The following C11orf91 variants were observed in gnomAD, a reference collection of about 807,000 sequenced individuals.
The protein encoded by C11orf91 is chromosome 11 open reading frame 91, also known as uncharacterized protein C11orf91.
Under a neutral mutation model 14.3 loss-of-function variants are expected in C11orf91, and 10 were observed. The ratio of observed to expected loss-of-function variants is 0.70; its 90% CI spans 0.43 to 1.18. C11orf91 has a LOEUF of 1.18. C11orf91 is among the 50% of genes most tolerant of loss of function. C11orf91 has a pLI of 0.00. For missense variants in C11orf91, 236 were observed against 269.0 expected (o/e 0.88, Z 0.86); for synonymous variants, 141 against 130.6 (o/e 1.08, Z -0.54).
intron 1 of C11orf91, chr11:33,699,628 C>A (rs571361667): frequency 2.2e-6 from 1 of 455,946 alleles, no homozygotes; most frequent in Admixed American, 2.3e-5. Context: ...AGACTTCAGA[C>A]GTAAGACCAG....
chr11:33,705,644 G>A (rs1467105128), upstream of C11orf91: 1 of 152,212 alleles, frequency 6.6e-6, no homozygotes, highest in Non-Finnish European at 1.5e-5. Flanking sequence ...TTGAACTCAG[G>A]CTGAGCCACT....
chr11:33,699,204 G>C (rs1200325315), intron 1 of C11orf91, among the ~76,000 whole-genome samples: 2 of 152,296 alleles, frequency 1.3e-5, no homozygotes, highest in Admixed American at 6.5e-5. Context: ...GCAAAGCCCA[G>C]TTTTTCTAGG....
Position 33,700,422 on chromosome 11 carries a change from G to T in C11orf91, c.319C>A (p.Arg107Ser), listed in dbSNP as rs1248544499. 1.3e-6 allele frequency: 2 copies of T among 1,521,292 alleles called. No individual in the cohort carries two copies. Among genetic ancestry groups the T allele is most frequent in the Non-Finnish European group, 1.8e-6 (2 of 1,139,524 alleles). 94.2% of individuals were successfully genotyped at this position (1,521,292 alleles called of 1,614,324 possible). A position where few individuals can be genotyped will look rare whatever the true frequency, so the allele number is the denominator to read the frequency against. Reference protein sequence around the residue: ...GLASIPYEPLRFFYSPPPGPE... With the variant: ...GLASIPYEPLSFFYSPPPGPE... ...CCCGGCGGCGGTGAGTAGAAGAAGC[G>T]CAGAGGCTCGTAGGGGATGGAGGCC... The change falls in exon 1 of 2, where the codon CGC (arginine) becomes AGC (serine). Residue 107 changes from arginine (R) to serine (S), a missense_variant. Coordinates refer to ENST00000379011, the MANE Select transcript of C11orf91 (RefSeq NM_001166692.2).
upstream of C11orf91, chr11:33,702,694 A>C: frequency 2.8e-6 from 1 of 353,768 alleles, no homozygotes. Context: ...GTCTTCTGTT[A>C]ATCTGTCTTT....
chr11:33,700,662 A>G lies in C11orf91; in HGVS notation c.79T>C (p.Tyr27His), dbSNP rs1347243030. Residue 27 changes from tyrosine (Y) to histidine (H), a missense_variant, in exon 1 of 2, where the codon TAC (tyrosine) becomes CAC (histidine). Coordinates refer to ENST00000379011, the MANE Select transcript of C11orf91 (RefSeq NM_001166692.2). ...GGGGACGAGGAGATGCCGCGGTCGT[A>G]CAGGGACGGGAAATAGAGGGGCGGA... is the stretch of plus-strand genomic sequence containing the variant. ...SAPPLYFPSL[Y>H]DRGISSSPLS... 1 of 1,467,522 alleles carries G rather than the reference A, an allele frequency of 6.8e-7. No individual in the cohort carries two copies. Among genetic ancestry groups the G allele is most frequent in the Non-Finnish European group, 9.0e-7 (1 of 1,112,844 alleles). The allele number at this position is 1,467,522 out of a possible 1,614,324, so 90.9% of individuals were successfully genotyped here. A position where few individuals can be genotyped will look rare whatever the true frequency, so the allele number is the denominator to read the frequency against.
At position 33,698,364 on chromosome 11, in the gene C11orf91, T is replaced by A; in HGVS notation, c.*65A>T. ...TAACCATCTTTGAAATGACAACAAA[T>A]GGGACACATTATCTAAGCACTAACA... On this transcript the variant is annotated 3_prime_UTR_variant, in exon 2 of 2. Transcript: ENST00000379011. The A allele has an allele frequency of 1.1e-6, 1 of 924,158 alleles. No individual in the cohort carries two copies. The highest frequency in any genetic ancestry group is 1.6e-5 in the African/African-American group (1 of 60,886). 57.2% of individuals were successfully genotyped at this position (924,158 alleles called of 1,614,324 possible).
At chr11:33,703,220 G>A (rs761211387), upstream of C11orf91, 4 of 152,090 alleles carry the variant, frequency 2.6e-5, no homozygotes, top group Non-Finnish European at 5.9e-5. Context: ...GACAAACTTG[G>A]TTTCTCTAAC....
upstream of C11orf91, chr11:33,703,265 ACCCATAAACTGCTGT>A (rs1853169679): frequency 1.3e-5 from 2 of 152,326 alleles, no homozygotes; most frequent in South Asian, 4.1e-4. Flanking sequence ...CACAATGAAC[ACCCATAAACTGCTGT>A]CAGGAGGCAA....
chr11:33,705,591 C>G (rs1016493852), upstream of C11orf91: 3 of 152,288 alleles, frequency 2.0e-5, no homozygotes, highest in African/African-American at 7.2e-5. Context: ...TGGCCACAGA[C>G]TGAAGGCTGG....
At chr11:33,704,639 C>CT (rs1210264635), upstream of C11orf91, 1 of 152,150 alleles carries the variant, frequency 6.6e-6, no homozygotes, top group East Asian at 1.9e-4. Context: ...GATGAGAAAA[C>CT]TGAGGCATGT....
rs913325098 is a variant in C11orf91 at position 33,700,181 on chromosome 11, G to A, written c.496+64C>T. 5.2e-5 allele frequency: 77 copies of A among 1,471,528 alleles called. No homozygotes were observed. The African/African-American group carries it at 8.2e-4, about 16-fold the overall frequency. The allele number at this position is 1,471,528 out of a possible 1,614,324, so 91.2% of individuals were successfully genotyped here. A position where few individuals can be genotyped will look rare whatever the true frequency, so the allele number is the denominator to read the frequency against. On this transcript the variant is annotated intron_variant, in intron 1 of 1. Coordinates refer to ENST00000379011, the MANE Select transcript of C11orf91 (RefSeq NM_001166692.2). ...CAGGCTACATTTCGGGTCGGGGCAC[G>A]GAGCCAAGGAGGGAGCTAGGGCAGG... is the stretch of plus-strand genomic sequence containing the variant.
chr11:33,700,164 A>G, intron 1 of C11orf91, 81 bp downstream of exon 1: 1 of 1,425,176 alleles, frequency 7.0e-7, no homozygotes. Context: ...ACCAGGCTAC[A>G]TTTCGGGTCG....
chr11:33,703,788 G>C (rs541886702), upstream of C11orf91: 2 of 152,390 alleles, frequency 1.3e-5, no homozygotes, highest in East Asian at 3.9e-4. Context: ...GCTGTCAGGA[G>C]GAGAGGGGCC....
chr11:33,699,619 G>A (rs528201912), intron 1 of C11orf91: 17 of 455,986 alleles, frequency 3.7e-5, no homozygotes, highest in Admixed American at 1.2e-4. Flanking sequence ...AGAGCCCTAA[G>A]ACTTCAGACG....
chr11:33,700,108 C>T (rs1295147575), intron 1 of C11orf91, 137 bp downstream of exon 1: 5 of 900,628 alleles, frequency 5.6e-6, no homozygotes, highest in Non-Finnish European at 8.2e-6. Flanking sequence ...AGTCTGGGTG[C>T]TAGGGGATAG....
intron 1 of C11orf91, among the ~76,000 whole-genome samples, chr11:33,700,013 G>A (rs1253007837): frequency 6.6e-6 from 1 of 152,184 alleles, no homozygotes; most frequent in Non-Finnish European, 1.5e-5. Flanking sequence ...GTTTAGGACG[G>A]AGGGAGGATG....
chr11:33,699,453 G>C (rs1853084027), intron 1 of C11orf91: 1 of 426,264 alleles, frequency 2.3e-6, no homozygotes, highest in Admixed American at 2.5e-5. Context: ...TGATGGGAAA[G>C]ACAAAGTCTG....
Position 33,698,488 on chromosome 11 carries a change from C to CGTCTTTTAGCGCCTTCAGGAATGT in C11orf91, c.499_522dup (p.Thr167_Asp174dup). The stretch of plus-strand genomic sequence containing the variant: ...TTGGTCTTCAGTCCTTGTAACTTTT[C>CGTCTTTTAGCGCCTTCAGGAATGT]GTCTTTTAGCGCCTTCAGGAATGTG... On this transcript the variant is annotated inframe_insertion, in exon 2 of 2. Coordinates refer to ENST00000379011, the MANE Select transcript of C11orf91 (RefSeq NM_001166692.2). The CGTCTTTTAGCGCCTTCAGGAATGT allele has an allele frequency of 6.5e-7, 1 of 1,537,462 alleles. No individual in the cohort carries two copies. The highest frequency in any genetic ancestry group is 1.2e-5 in the South Asian group (1 of 84,060).
chr11:33,706,303 A>C, the C11orf91 span: 2 of 152,190 alleles, frequency 1.3e-5, no homozygotes, highest in African/African-American at 4.8e-5. Flanking sequence ...TCCATTACAA[A>C]AATTTTATAT....
Sources: allele counts gnomAD v4.1 joint callset (sites outside exome capture counted in the v4.1 genomes callset), GRCh38; gene constraint gnomAD v4.1.1; transcripts MANE v1.5; gene names NCBI Gene and HGNC (gene_info 2026-07-23, HGNC 2026-07-21).